Variants in KIRREL3 observed in about 807,000 individuals in gnomAD.
The protein encoded by KIRREL3 is kin of IRRE-like protein 3.
KIRREL3 carries 36 observed loss-of-function variants against 89.7 expected under a neutral mutation model. That is an observed-to-expected ratio of 0.40 (90% CI 0.31 to 0.53). The LOEUF (loss-of-function observed/expected upper bound fraction) is 0.53, where lower values mean the gene tolerates loss of function less well. KIRREL3 is among the 20% of genes least tolerant of loss of function. The probability of loss-of-function intolerance (pLI) is 0.49; values close to 1 mark genes in which losing one functional copy is unlikely to be tolerated. For synonymous variants in KIRREL3, 445 were observed against 441.4 expected, an observed-to-expected ratio of 1.01 and a Z score of -0.10; for missense variants, 864 against 1,056.6, an observed-to-expected ratio of 0.82 and a Z score of 2.53.
Position 126,515,839 on chromosome 11 carries a change from G to A in KIRREL3, c.433+5476C>T, listed in dbSNP as rs199817794. Among the ~76,000 whole-genome samples, 1 of 152,296 alleles carries A rather than the reference G, an allele frequency of 6.6e-6. No homozygotes were observed. The highest frequency in any genetic ancestry group is 1.5e-5 in the Non-Finnish European group (1 of 68,028). On this transcript the variant is annotated intron_variant, in intron 4 of 16. Transcript: ENST00000525144. This position sits in a 1 kb window ranked among gnomAD's most constrained non-coding sequence, Gnocchi z 4.2. ...GTCACCTACTGATTTGCCTTTTTAT[G>A]TCAGGGTGACTATGGATGGGTTTCT...
intron 1 of KIRREL3, among the ~76,000 whole-genome samples, chr11:126,885,281 G>C (rs577962255): frequency 6.6e-6 from 1 of 152,162 alleles, no homozygotes; most frequent in Non-Finnish European, 1.5e-5. Flanking sequence ...AACACAGTGG[G>C]AAGCATAAAA....
At chr11:126,494,486 C>A (rs1439231905) in intron 4 of KIRREL3, among the ~76,000 whole-genome samples, 1 of 152,142 alleles carries the variant, frequency 6.6e-6, no homozygotes, top group Non-Finnish European at 1.5e-5. Flanking sequence ...TGTTGCTGAT[C>A]CTATCTTTGT....
chr11:126,712,703 G>A (rs921641153), intron 1 of KIRREL3, among the ~76,000 whole-genome samples: 3 of 152,164 alleles, frequency 2.0e-5, no homozygotes, highest in African/African-American at 7.2e-5. Context: ...TGGTACTGTG[G>A]CCCTCTGAGG....
chr11:126,499,387 G>A (rs1484166757), intron 4 of KIRREL3, among the ~76,000 whole-genome samples: 1 of 152,036 alleles, frequency 6.6e-6, no homozygotes, highest in Non-Finnish European at 1.5e-5. Context: ...CTGTTAACAG[G>A]ACCTAACTAC....
At chr11:126,440,292 C>T (rs892388722) in intron 11 of KIRREL3, 157 bp downstream of exon 11, 20 of 732,628 alleles carry the variant, frequency 2.7e-5, no homozygotes, top group Admixed American at 1.4e-4. Context: ...TGTGTCTTCA[C>T]GATGCTTTTC....
At chr11:126,944,421 G>A (rs1948555871) in intron 1 of KIRREL3, 1 of 152,200 alleles carries the variant, frequency 6.6e-6, no homozygotes, top group African/African-American at 2.4e-5. Context: ...ACTTTGTCCA[G>A]GCCTCACTGT....
At chr11:126,706,979 A>C (rs1479436896) in intron 1 of KIRREL3, among the ~76,000 whole-genome samples, 4 of 150,378 alleles carry the variant, frequency 2.7e-5, no homozygotes, top group Non-Finnish European at 5.9e-5. Context: ...CTCACTGTAC[A>C]TACATCACAC....
intron 1 of KIRREL3, among the ~76,000 whole-genome samples, chr11:126,718,656 A>C (rs190585625): frequency 2.0e-5 from 3 of 152,360 alleles, no homozygotes; most frequent in South Asian, 2.1e-4. Context: ...TGCTTTACAC[A>C]TATTTTATTT....
intron 1 of KIRREL3, among the ~76,000 whole-genome samples, chr11:126,743,022 C>T (rs1949029855): frequency 6.6e-6 from 1 of 152,212 alleles, no homozygotes; most frequent in African/African-American, 2.4e-5. Context: ...GTGAGGACCT[C>T]CTCAGAGAGA....
intron 1 of KIRREL3, among the ~76,000 whole-genome samples, chr11:126,680,277 T>G (rs1483836811): frequency 6.6e-6 from 1 of 151,910 alleles, no homozygotes; most frequent in African/African-American, 2.4e-5. Flanking sequence ...CTAGCCTCAG[T>G]GAAAAGGCAA....
At chr11:126,450,616 TGCGA>T (rs987679640) in intron 7 of KIRREL3, among the ~76,000 whole-genome samples, 1 of 150,120 alleles carries the variant, frequency 6.7e-6, no homozygotes, top group Non-Finnish European at 1.5e-5. Flanking sequence ...CATCGGCGTG[TGCGA>T]GCATGTGCAT....
chr11:126,856,557 A>ATG (rs1287424355), intron 1 of KIRREL3, among the ~76,000 whole-genome samples: 5 of 2,420 alleles, frequency 2.1e-3, no homozygotes, highest in Non-Finnish European at 7.3e-4. Flanking sequence ...TTTTCTAAGT[A>ATG]TATATATATA....
Position 126,685,473 on chromosome 11 carries a change from A to G in KIRREL3, c.56-122561T>C, listed in dbSNP as rs1160634840. On this transcript the variant is annotated intron_variant, in intron 1 of 16. Transcript: ENST00000525144. The surrounding 1 kb of genome is among the most constrained non-coding windows in gnomAD (Gnocchi z 5.5). ...CCACACAAGCTGATGAGACTGGCTCAGAAAAGGGGTCTGCCCCCAGTGCAT... is the reference window on the plus strand; with the variant it reads ...CCACACAAGCTGATGAGACTGGCTCGGAAAAGGGGTCTGCCCCCAGTGCAT... 3.9e-5 allele frequency among the ~76,000 whole-genome samples: 6 copies of G among 152,226 alleles called. No individual in the cohort carries two copies.
Position 126,814,707 on chromosome 11 carries a change from G to A in KIRREL3, c.55+185748C>T, listed in dbSNP as rs1017277275. Among the ~76,000 whole-genome samples, 1 of 152,176 alleles carries A rather than the reference G, an allele frequency of 6.6e-6. No individual in the cohort carries two copies. Among genetic ancestry groups the A allele is most frequent in the Non-Finnish European group, 1.5e-5 (1 of 68,040 alleles). ...ACTGCATGTTCTCACTTCTAAGTAG[G>A]AGCTGAACAGTGAGAACACGTGGAC... On this transcript the variant is annotated intron_variant, in intron 1 of 16. Coordinates refer to ENST00000525144, the MANE Select transcript of KIRREL3 (RefSeq NM_032531.4). The surrounding 1 kb of genome is among the most constrained non-coding windows in gnomAD (Gnocchi z 4.4).
intron 2 of KIRREL3, among the ~76,000 whole-genome samples, chr11:126,533,366 C>T (rs530690973): frequency 6.6e-6 from 1 of 152,298 alleles, no homozygotes; most frequent in African/African-American, 2.4e-5. Flanking sequence ...ATAGAACCCA[C>T]CTTAGACCTC....
chr11:126,442,970 C>T (rs1307693065), intron 10 of KIRREL3, among the ~76,000 whole-genome samples: 1 of 152,206 alleles, frequency 6.6e-6, no homozygotes, highest in East Asian at 1.9e-4. Flanking sequence ...TTGGTCAGCG[C>T]CAGGGCCCGG....
At chr11:126,784,703 C>T (rs1021155969) in intron 1 of KIRREL3, among the ~76,000 whole-genome samples, 4 of 151,986 alleles carry the variant, frequency 2.6e-5, no homozygotes, top group African/African-American at 9.7e-5. Context: ...GGGTGTCAGT[C>T]TCCGCTTATG....
chr11:126,512,720 C>T (rs1958264502), intron 4 of KIRREL3, among the ~76,000 whole-genome samples: 1 of 152,178 alleles, frequency 6.6e-6, no homozygotes, highest in Non-Finnish European at 1.5e-5. Context: ...TGAGCCTGCT[C>T]AGCATCTCCC....
At chr11:126,592,418 T>C (rs537125720) in intron 1 of KIRREL3, among the ~76,000 whole-genome samples, 1 of 152,292 alleles carries the variant, frequency 6.6e-6, no homozygotes, top group African/African-American at 2.4e-5. Context: ...CCAAGGGAAG[T>C]CTAAAGTTAC....
Sources: allele counts gnomAD v4.1 joint callset (sites outside exome capture counted in the v4.1 genomes callset), GRCh38; gene constraint gnomAD v4.1.1; non-coding constraint Gnocchi (gnomAD v3.1); transcripts MANE v1.5; gene names NCBI Gene and HGNC (gene_info 2026-07-23, HGNC 2026-07-21).